Variants in OPHN1 observed in about 807,000 individuals in gnomAD.
OPHN1 encodes the protein oligophrenin-1.
OPHN1 carries 11 observed loss-of-function variants against 60.7 expected under a neutral mutation model. The observed-to-expected ratio is 0.18, with a 90% CI of 0.11 to 0.30. OPHN1 has a LOEUF of 0.30. OPHN1 is among the 10% of genes least tolerant of loss of function. OPHN1 has a pLI of 1.00. For synonymous variants in OPHN1, 226 were observed against 222.6 expected (o/e 1.02, Z -0.14); for missense variants, 449 against 611.0 (o/e 0.73, Z 2.80).
At chrX:68,063,830 C>T in intron 21 of OPHN1, 24 bp downstream of exon 21, 3 of 1,132,088 alleles carry the variant, frequency 2.6e-6, no homozygotes, top group South Asian at 4.1e-5. Flanking sequence ...AGCTCTGGCT[C>T]CCATGGGATT....
At chrX:68,292,472 C>A (rs1398244667) in intron 3 of OPHN1, among the ~76,000 whole-genome samples, 2 of 111,469 alleles carry the variant, frequency 1.8e-5, no homozygotes, top group Non-Finnish European at 3.8e-5. Flanking sequence ...CATTATTCTT[C>A]TGGTAATAAA....
rs185577231 is a variant in OPHN1, at chrX:68,307,291, T to A, written c.155-8195A>T. On this transcript the variant is annotated intron_variant, in intron 2 of 24. Transcript: ENST00000355520. ...GACCCTGTCTCTACCAAAAAAAAAA[T>A]AATAATAATAATAATAGCCGAGCAT... Among the ~76,000 whole-genome samples the A allele has an allele frequency of 5.8e-3, 601 of 104,311 alleles. 5 individuals are homozygous for A. The highest frequency in any genetic ancestry group is 0.019 in the African/African-American group (526 of 28,404). 90.6% of individuals were successfully genotyped at this position (104,311 alleles called of 115,157 possible). A position where few individuals can be genotyped will look rare whatever the true frequency, so the allele number is the denominator to read the frequency against.
chrX:68,229,876 C>T (rs1262389244), intron 6 of OPHN1, among the ~76,000 whole-genome samples: 1 of 111,755 alleles, frequency 8.9e-6, no homozygotes, highest in African/African-American at 3.3e-5. Context: ...GTCTAAAACA[C>T]CAAAAGCAAT....
intron 5 of OPHN1, among the ~76,000 whole-genome samples, chrX:68,265,429 G>C (rs1181278202): frequency 2.7e-5 from 3 of 111,985 alleles, no homozygotes; most frequent in African/African-American, 9.7e-5. Flanking sequence ...GTCTGGAGTG[G>C]ACCTCCAACA....
At chrX:68,390,376 ATTGC>A (rs2147753874) in intron 2 of OPHN1, among the ~76,000 whole-genome samples, 1 of 111,650 alleles carries the variant, frequency 9.0e-6, no homozygotes, top group African/African-American at 3.2e-5. Flanking sequence ...AGGTGGGCAG[ATTGC>A]TTGAGCTCAG....
chrX:68,124,585 G>C (rs2077162465), intron 15 of OPHN1, among the ~76,000 whole-genome samples: 1 of 111,389 alleles, frequency 9.0e-6, no homozygotes. Flanking sequence ...TTCATCCAAT[G>C]GCTACAGAAT....
chrX:68,169,336 G>A (rs1315208310), intron 15 of OPHN1, among the ~76,000 whole-genome samples: 2 of 111,473 alleles, frequency 1.8e-5, no homozygotes, highest in African/African-American at 6.5e-5. Context: ...AATCAATATT[G>A]TGAAAATGGC....
At chrX:68,114,731 G>C (rs1388636518) in intron 16 of OPHN1, among the ~76,000 whole-genome samples, 1 of 111,448 alleles carries the variant, frequency 9.0e-6, no homozygotes, top group Non-Finnish European at 1.9e-5. Context: ...CCTGCAATGA[G>C]TCATGATCAC....
chrX:68,284,593 C>T (rs1243114486), intron 3 of OPHN1, among the ~76,000 whole-genome samples: 4 of 111,544 alleles, frequency 3.6e-5, no homozygotes, highest in South Asian at 3.8e-4. Context: ...GTGTACAATT[C>T]GGGCTTTTAG....
intron 2 of OPHN1, among the ~76,000 whole-genome samples, chrX:68,311,464 G>A (rs1357910030): frequency 2.7e-5 from 3 of 111,693 alleles, no homozygotes; most frequent in Non-Finnish European, 3.8e-5. Context: ...ATGGAGTCTC[G>A]CTCTGTCACC....
chrX:68,400,684 C>T (rs2078709740), intron 2 of OPHN1, among the ~76,000 whole-genome samples: 1 of 107,326 alleles, frequency 9.3e-6, no homozygotes, highest in African/African-American at 3.4e-5. Flanking sequence ...TCACTGCAAC[C>T]TCCGACTCCT....
intron 19 of OPHN1, among the ~76,000 whole-genome samples, chrX:68,077,022 G>A (rs1271165743): frequency 2.7e-5 from 3 of 111,394 alleles, no homozygotes; most frequent in Non-Finnish European, 5.7e-5. Flanking sequence ...GGCCTGGAGA[G>A]GGGAGGATTT....
intron 2 of OPHN1, among the ~76,000 whole-genome samples, chrX:68,318,924 A>G (rs1464318792): frequency 9.0e-6 from 1 of 111,580 alleles, no homozygotes; most frequent in African/African-American, 3.3e-5. Context: ...GGGATTATAA[A>G]TTTTGGGGAG....
At chrX:68,134,860 C>A (rs1192880190) in intron 15 of OPHN1, among the ~76,000 whole-genome samples, 1 of 111,264 alleles carries the variant, frequency 9.0e-6, no homozygotes, top group Non-Finnish European at 1.9e-5. Flanking sequence ...TTAGGCTGTT[C>A]TTCACCTTGT....
chrX:68,266,880 A>G (rs1285639047), intron 5 of OPHN1, among the ~76,000 whole-genome samples: 1 of 111,409 alleles, frequency 9.0e-6, no homozygotes, highest in African/African-American at 3.3e-5. Flanking sequence ...TTGCAATCCT[A>G]GTCTCTGATA....
intron 2 of OPHN1, among the ~76,000 whole-genome samples, chrX:68,317,579 A>AAGAAAGAAAG (rs1569278459): frequency 8.0e-5 from 7 of 87,963 alleles, no homozygotes; most frequent in African/African-American, 3.3e-4. Flanking sequence ...AAGAAAGAGA[A>AAGAAAGAAAG]AGAAAGAAAG....
At chrX:68,169,799 T>C (rs1046752847) in intron 15 of OPHN1, among the ~76,000 whole-genome samples, 1 of 101,554 alleles carries the variant, frequency 9.8e-6, no homozygotes, top group East Asian at 2.9e-4. Context: ...ATTAAAGACT[T>C]ACATGTTAGA....
intron 5 of OPHN1, among the ~76,000 whole-genome samples, chrX:68,250,508 G>C (rs929187391): frequency 9.0e-6 from 1 of 111,379 alleles, no homozygotes; most frequent in Non-Finnish European, 1.9e-5. Flanking sequence ...TATGTGCCAC[G>C]TGGCTAAAGG....
At chrX:68,052,511 G>T (rs1462425809) in intron 23 of OPHN1, 29 bp downstream of exon 23, 8 of 1,186,755 alleles carry the variant, frequency 6.7e-6, no homozygotes, top group Non-Finnish European at 9.1e-6. Flanking sequence ...AGGCGATTTG[G>T]TTTTTCTTTT....
Sources: allele counts gnomAD v4.1 joint callset (sites outside exome capture counted in the v4.1 genomes callset), GRCh38; gene constraint gnomAD v4.1.1; transcripts MANE v1.5; gene names NCBI Gene and HGNC (gene_info 2026-07-23, HGNC 2026-07-21).